Variants in COL24A1 observed in about 807,000 individuals in gnomAD.
COL24A1 encodes collagen alpha-1(XXIV) chain.
COL24A1 carries 224 observed loss-of-function variants against 253.9 expected under a neutral mutation model. The observed-to-expected ratio is 0.88, with a 90% CI of 0.79 to 0.99. COL24A1 has a LOEUF of 0.99. Ranked by LOEUF, COL24A1 falls within the 50% of genes least tolerant of loss-of-function variation. The pLI, the probability that COL24A1 is intolerant of heterozygous loss-of-function variation, is 0.00. For missense variants in COL24A1, 2,131 were observed against 2,068.5 expected (o/e 1.03, Z -0.59); for synonymous variants, 685 against 673.7 (o/e 1.02, Z -0.26).
rs190078802 is a variant in COL24A1 at position 85,982,604 on chromosome 1, C to T, written c.2364+4997G>A. On this transcript the variant is annotated intron_variant, in intron 20 of 59. Transcript: ENST00000370571. The stretch of plus-strand genomic sequence containing the variant: ...TGATCCAACCAATCTGACTAAAATC[C>T]CAACTTCTCTATTTTCTCAGAAAAA... Among the ~76,000 whole-genome samples the T allele has an allele frequency of 1.3e-3, 196 of 151,848 alleles. 1 individual carries two copies. The highest frequency in any genetic ancestry group is 2.5e-3 in the Non-Finnish European group (169 of 67,812).
chr1:86,097,432 T>C (rs61802176), intron 5 of COL24A1, among the ~76,000 whole-genome samples: 18,021 of 142,278 alleles, frequency 0.13, 1,293 homozygotes, highest in Middle Eastern at 0.19. Context: ...TCCTCCTCCT[T>C]CTTCTTCTCC....
chr1:85,794,357 A>G (rs1195438816), intron 47 of COL24A1, among the ~76,000 whole-genome samples: 1 of 152,188 alleles, frequency 6.6e-6, no homozygotes, highest in Non-Finnish European at 1.5e-5. Context: ...ATGGACATTC[A>G]GAAACTACTG....
intron 7 of COL24A1, among the ~76,000 whole-genome samples, chr1:86,085,102 C>A (rs1702964920): frequency 6.6e-6 from 1 of 152,108 alleles, no homozygotes; most frequent in Admixed American, 6.5e-5. Context: ...TGTCATTGTG[C>A]TTATCTATAT....
chr1:86,081,342 TG>T, intron 7 of COL24A1, among the ~76,000 whole-genome samples: 1 of 152,106 alleles, frequency 6.6e-6, no homozygotes, highest in African/African-American at 2.4e-5. Context: ...TCACTTCCTC[TG>T]GAACATCCTT....
chr1:85,993,245 C>T (rs185148949), intron 19 of COL24A1, among the ~76,000 whole-genome samples: 4 of 152,172 alleles, frequency 2.6e-5, no homozygotes, highest in Non-Finnish European at 2.9e-5. Flanking sequence ...ACATTGAGCA[C>T]TTTAATAGTT....
At chr1:85,878,526 T>C (rs886882847) in intron 32 of COL24A1, among the ~76,000 whole-genome samples, 1 of 152,202 alleles carries the variant, frequency 6.6e-6, no homozygotes, top group Non-Finnish European at 1.5e-5. Context: ...CACCTATAAA[T>C]AAAGCTGCTA....
At chr1:85,760,243 C>T (rs1278578156) in intron 55 of COL24A1, among the ~76,000 whole-genome samples, 1 of 151,658 alleles carries the variant, frequency 6.6e-6, no homozygotes, top group Non-Finnish European at 1.5e-5. Context: ...TGGGGTTTTG[C>T]CATGTTGGCC....
At chr1:85,904,428 T>A (rs897238192) in intron 28 of COL24A1, among the ~76,000 whole-genome samples, 1 of 152,140 alleles carries the variant, frequency 6.6e-6, no homozygotes, top group African/African-American at 2.4e-5. Flanking sequence ...TGTGCTGATT[T>A]CTAGTGACCC....
At chr1:86,039,847 G>A (rs546592805) in intron 12 of COL24A1, among the ~76,000 whole-genome samples, 149 of 152,272 alleles carry the variant, frequency 9.8e-4, no homozygotes, top group African/African-American at 3.4e-3. Flanking sequence ...AGGCTGGAGT[G>A]TGAAGTATTC....
At chr1:85,991,489 G>A (rs756690802) in intron 19 of COL24A1, among the ~76,000 whole-genome samples, 4 of 152,180 alleles carry the variant, frequency 2.6e-5, no homozygotes, top group Non-Finnish European at 4.4e-5. Context: ...ATGGCTTCTG[G>A]TGGTAACTGT....
At chr1:85,828,295 T>G (rs1245177895) in intron 43 of COL24A1, among the ~76,000 whole-genome samples, 1 of 151,688 alleles carries the variant, frequency 6.6e-6, no homozygotes, top group Non-Finnish European at 1.5e-5. Context: ...GATAAGTTTG[T>G]TATAATTTCT....
At chr1:85,891,356 G>A (rs1683121201) in intron 31 of COL24A1, among the ~76,000 whole-genome samples, 4 of 151,848 alleles carry the variant, frequency 2.6e-5, no homozygotes, top group Non-Finnish European at 5.9e-5. Context: ...GAGCCTCTGC[G>A]CCCGGCCGTA....
At chr1:86,133,856 G>A (rs532386743) in intron 2 of COL24A1, among the ~76,000 whole-genome samples, 2 of 152,088 alleles carry the variant, frequency 1.3e-5, no homozygotes, top group African/African-American at 4.8e-5. Context: ...GATGATGCTG[G>A]CCTCATCAAA....
intron 14 of COL24A1, among the ~76,000 whole-genome samples, chr1:86,026,424 TC>T (rs955314567): frequency 6.6e-6 from 1 of 152,142 alleles, no homozygotes; most frequent in African/African-American, 2.4e-5. Context: ...TGGGGAGGAT[TC>T]CCCCATGCTA....
intron 33 of COL24A1, among the ~76,000 whole-genome samples, chr1:85,875,696 A>C (rs1305471815): frequency 6.8e-6 from 1 of 147,032 alleles, no homozygotes; most frequent in Non-Finnish European, 1.5e-5. Context: ...ATAAGAGATA[A>C]ATTTATTCAC....
chr1:85,863,584 A>C (rs1409813530), intron 37 of COL24A1, among the ~76,000 whole-genome samples: 3 of 152,286 alleles, frequency 2.0e-5, no homozygotes, highest in Non-Finnish European at 2.9e-5. Flanking sequence ...TTCTGCACAG[A>C]AAAAGAAACT....
At chr1:85,997,758 C>T (rs540945242) in intron 19 of COL24A1, among the ~76,000 whole-genome samples, 1,776 of 120,980 alleles carry the variant, frequency 0.015, 38 homozygotes, top group African/African-American at 0.047. Context: ...TCCAGCCTGG[C>T]TACAGAAAAA....
intron 5 of COL24A1, among the ~76,000 whole-genome samples, chr1:86,096,688 G>T (rs1703913451): frequency 6.6e-6 from 1 of 151,956 alleles, no homozygotes; most frequent in African/African-American, 2.4e-5. Flanking sequence ...AGCTTACCTG[G>T]CAATTCTTAA....
chr1:85,963,845 T>C (rs1691307656), intron 23 of COL24A1, among the ~76,000 whole-genome samples: 1 of 152,150 alleles, frequency 6.6e-6, no homozygotes, highest in African/African-American at 2.4e-5. Context: ...TTGGATTTCC[T>C]AGCGCTATTT....
Sources: allele counts gnomAD v4.1 joint callset (sites outside exome capture counted in the v4.1 genomes callset), GRCh38; gene constraint gnomAD v4.1.1; transcripts MANE v1.5; gene names NCBI Gene and HGNC (gene_info 2026-07-23, HGNC 2026-07-21).